SEMA4B: variants seen among roughly 807,000 people sequenced by gnomAD.
SEMA4B encodes the protein semaphorin-4B.
SEMA4B carries 55 observed loss-of-function variants against 88.1 expected under a neutral mutation model. The observed-to-expected ratio is 0.62, with a 90% CI of 0.50 to 0.78. The LOEUF (loss-of-function observed/expected upper bound fraction) is 0.78, where lower values mean the gene tolerates loss of function less well. Ranked by LOEUF, SEMA4B falls within the 30% of genes least tolerant of loss-of-function variation. SEMA4B has a pLI of 0.00. For synonymous variants in SEMA4B, 525 were observed against 473.6 expected (o/e 1.11, Z -1.41); for missense variants, 1,062 against 1,111.9 (o/e 0.96, Z 0.64).
intron 1 of SEMA4B, chr15:90,206,853 CAGAG>C (rs1961015418): frequency 4.2e-6 from 3 of 718,626 alleles, no homozygotes; most frequent in East Asian, 5.2e-5. Context: ...GTCAAATTGA[CAGAG>C]AGGGGAAACC....
intron 12 of SEMA4B, 63 bp from the exon 13 acceptor site, chr15:90,227,494 G>A (rs1962229131): frequency 6.7e-7 from 1 of 1,501,426 alleles, no homozygotes; most frequent in Non-Finnish European, 9.2e-7. Context: ...CTGCAGTGAG[G>A]GGTGAGGGAA....
At chr15:90,211,879 A>G (rs1212225753) in intron 1 of SEMA4B, among the ~76,000 whole-genome samples, 1 of 152,028 alleles carries the variant, frequency 6.6e-6, no homozygotes, top group African/African-American at 2.4e-5. Flanking sequence ...GGGCCTGTAG[A>G]GGGTGGGATG....
chr15:90,203,978 C>T (rs1284050078), intron 1 of SEMA4B, among the ~76,000 whole-genome samples: 1 of 149,294 alleles, frequency 6.7e-6, no homozygotes, highest in East Asian at 2.2e-4. Flanking sequence ...CCTCCTGGCC[C>T]TCATACCCAC....
At chr15:90,215,916 C>G (rs921472754) in intron 1 of SEMA4B, among the ~76,000 whole-genome samples, 2 of 152,104 alleles carry the variant, frequency 1.3e-5, no homozygotes, top group African/African-American at 4.8e-5. Context: ...CTCCCTCACC[C>G]CAGGCCAATT....
intron 1 of SEMA4B, among the ~76,000 whole-genome samples, chr15:90,203,763 A>G (rs548450685): frequency 6.6e-6 from 1 of 152,078 alleles, no homozygotes; most frequent in Non-Finnish European, 1.5e-5. Flanking sequence ...TGCAGTCCAC[A>G]CTCAGCTCTC....
Position 90,228,546 on chromosome 15 carries a change from G to A in SEMA4B, c.2417G>A (p.Arg806Lys). 1.9e-6 allele frequency: 3 copies of A among 1,613,040 alleles called. No homozygotes were observed. The highest frequency in any genetic ancestry group is 1.7e-6 in the Non-Finnish European group (2 of 1,179,520). The part of the protein sequence containing the change: ...GSRVFTESEK[R>K]PLSIQDSFVE... ...CGAGTCTTCACTGAGTCAGAGAAGA[G>A]GCCACTCAGCATCCAAGACAGCTTC... The change falls in exon 14 of 14, where the codon AGG becomes AAG. Residue 806 changes from arginine (R) to lysine (K), a missense_variant. Coordinates refer to ENST00000411539, the MANE Select transcript of SEMA4B (RefSeq NM_198925.4).
intron 12 of SEMA4B, 86 bp from the exon 13 acceptor site, chr15:90,227,471 C>T: frequency 2.4e-6 from 3 of 1,274,216 alleles, no homozygotes; most frequent in Non-Finnish European, 3.3e-6. Flanking sequence ...AAGGCCCTTG[C>T]CCAGGCCCAA....
At chr15:90,202,779 T>C (rs191740655) in intron 1 of SEMA4B, among the ~76,000 whole-genome samples, 1 of 152,340 alleles carries the variant, frequency 6.6e-6, no homozygotes, top group Non-Finnish European at 1.5e-5. Context: ...AAAGCATGTA[T>C]GAATTAGAGG....
At chr15:90,216,177 G>A (rs976223390) in intron 1 of SEMA4B, among the ~76,000 whole-genome samples, 5 of 151,900 alleles carry the variant, frequency 3.3e-5, no homozygotes, top group East Asian at 1.9e-4. Flanking sequence ...TAGTAGAGAC[G>A]GGATCTCTCC....
rs534498110 is a variant in SEMA4B at position 90,212,536 on chromosome 15, G to A, written c.158-4903G>A. Among the ~76,000 whole-genome samples the A allele has an allele frequency of 3.9e-5, 6 of 152,242 alleles. No individual in the cohort carries two copies. Among genetic ancestry groups the A allele is most frequent in the South Asian group, 4.1e-4 (2 of 4,822 alleles). ...CATAAAAGCTTAAGACTGACCCCAA[G>A]GTGCGCCAGCCCCTCGCAGGAAGTA... On this transcript the variant is annotated intron_variant, in intron 1 of 13. Coordinates refer to ENST00000411539, the MANE Select transcript of SEMA4B (RefSeq NM_198925.4). The surrounding 1 kb of genome is among the most constrained non-coding windows in gnomAD (Gnocchi z 4.0).
intron 1 of SEMA4B, among the ~76,000 whole-genome samples, chr15:90,185,950 T>C (rs1374530941): frequency 7.3e-6 from 1 of 136,972 alleles, no homozygotes; most frequent in Non-Finnish European, 1.5e-5. Context: ...TTTTTTTTTT[T>C]TGAGACGGAG....
chr15:90,223,518 C>G, intron 7 of SEMA4B, 41 bp from the exon 8 acceptor site: 1 of 1,509,532 alleles, frequency 6.6e-7, no homozygotes, highest in Non-Finnish European at 8.9e-7. Context: ...CGTCATGGCT[C>G]AGCATGTGCC....
At chr15:90,186,805 C>T (rs910815257) in intron 1 of SEMA4B, among the ~76,000 whole-genome samples, 2 of 152,036 alleles carry the variant, frequency 1.3e-5, no homozygotes, top group Non-Finnish European at 1.5e-5. Flanking sequence ...TGGTGGTGGG[C>T]GCCTGTAGTC....
rs112795767 is a variant in SEMA4B, at chr15:90,229,117, T to G, written c.*474T>G. 1,396 of 355,624 alleles carry G rather than the reference T, an allele frequency of 3.9e-3. 28 individuals are homozygous for G. Among genetic ancestry groups the G allele is most frequent in the African/African-American group, 0.028 (1,284 of 46,662 alleles). The allele number at this position is 355,624 out of a possible 1,614,324, so 22.0% of individuals were successfully genotyped here. On this transcript the variant is annotated 3_prime_UTR_variant, in exon 14 of 14. Coordinates refer to ENST00000411539, the MANE Select transcript of SEMA4B (RefSeq NM_198925.4). ...ATTATCCCGCTGCCACCGGCTGCCCTGTCTCACTGCAGATTCAGGACCAGC... is the reference window on the plus strand; with the variant it reads ...ATTATCCCGCTGCCACCGGCTGCCCGGTCTCACTGCAGATTCAGGACCAGC...
chr15:90,216,069 A>G (rs1331230832), intron 1 of SEMA4B, among the ~76,000 whole-genome samples: 1 of 150,554 alleles, frequency 6.6e-6, no homozygotes, highest in Non-Finnish European at 1.5e-5. Context: ...GCTCACCGCA[A>G]CCTCTGCATC....
chr15:90,206,575 C>G (rs188795127), intron 1 of SEMA4B: 1 of 518,438 alleles, frequency 1.9e-6, no homozygotes, highest in Admixed American at 2.9e-5. Flanking sequence ...CTGCCATGGC[C>G]GAGGAAGGCA....
chr15:90,221,840 C>G (rs1961867222), intron 7 of SEMA4B, 75 bp downstream of exon 7: 1 of 1,421,644 alleles, frequency 7.0e-7, no homozygotes, highest in African/African-American at 1.8e-5. Context: ...CACCCACATC[C>G]ATGCATGGCC....
At chr15:90,199,787 T>C (rs1457508711), upstream of SEMA4B, among the ~76,000 whole-genome samples, 1 of 151,886 alleles carries the variant, frequency 6.6e-6, no homozygotes, top group Non-Finnish European at 1.5e-5. Context: ...GATTGCACCA[T>C]TGCACTCCAG....
intron 7 of SEMA4B, among the ~76,000 whole-genome samples, chr15:90,223,296 A>G (rs1300724205): frequency 6.6e-6 from 1 of 152,170 alleles, no homozygotes; most frequent in African/African-American, 2.4e-5. Context: ...GCATTAGGCT[A>G]TATTGGGGTC....
Sources: gnomAD v4.1 joint callset for allele counts (sites outside exome capture counted in the v4.1 genomes callset) on GRCh38, gnomAD v4.1.1 for gene constraint, Gnocchi (gnomAD v3.1) non-coding constraint, MANE v1.5 for transcripts, NCBI Gene and HGNC (gene_info 2026-07-23, HGNC 2026-07-21) for gene names.